NFIB: variants seen among roughly 807,000 people sequenced by gnomAD.
NFIB encodes the protein nuclear factor I B.
A neutral mutation model predicts 61.5 loss-of-function variants in NFIB; 11 were observed. The observed-to-expected ratio is 0.18, with a 90% confidence interval of 0.11 to 0.30. The LOEUF is 0.30. Among genes scored for constraint, NFIB ranks in the 10% least tolerant of loss-of-function variants. The pLI, the probability that NFIB is intolerant of heterozygous loss-of-function variation, is 1.00. For synonymous variants in NFIB, 260 were observed against 216.5 expected (o/e 1.20, Z -1.76); for missense variants, 471 against 608.9 (o/e 0.77, Z 2.38).
intron 1 of NFIB, among the ~76,000 whole-genome samples, chr9:14,385,482 A>C (rs1316851110): frequency 1.3e-5 from 2 of 152,212 alleles, no homozygotes; most frequent in African/African-American, 4.8e-5. Flanking sequence ...ACCTACATAC[A>C]AATATTTTTC....
At chr9:14,462,426 G>A in the NFIB span, among the ~76,000 whole-genome samples, 4 of 152,094 alleles carry the variant, frequency 2.6e-5, no homozygotes, top group African/African-American at 9.6e-5. Flanking sequence ...GGGACTACAG[G>A]CACCCGCCAC....
chr9:14,176,178 C>T (rs2046166188), intron 3 of NFIB, among the ~76,000 whole-genome samples: 2 of 150,818 alleles, frequency 1.3e-5, no homozygotes, highest in South Asian at 2.1e-4. Flanking sequence ...GGTTTACCCT[C>T]ATTTGGTCCA....
At chr9:14,146,538 A>C in intron 6 of NFIB, 151 bp downstream of exon 6, 1 of 1,172,306 alleles carries the variant, frequency 8.5e-7, no homozygotes, top group Non-Finnish European at 1.2e-6. Context: ...CATTTGACTA[A>C]CATTATCTCA....
intron 1 of NFIB, among the ~76,000 whole-genome samples, chr9:14,338,949 A>G (rs2060917590): frequency 6.6e-6 from 1 of 151,374 alleles, no homozygotes; most frequent in Non-Finnish European, 1.5e-5. Flanking sequence ...GCAATTGCCT[A>G]AATAGAGAAA....
the NFIB span, among the ~76,000 whole-genome samples, chr9:14,442,227 C>A: frequency 1.3e-5 from 2 of 152,006 alleles, no homozygotes; most frequent in African/African-American, 2.4e-5. Flanking sequence ...GTGTGCTGGG[C>A]CCCATGTGTG....
At chr9:14,119,335 C>T (rs886478941) in intron 8 of NFIB, among the ~76,000 whole-genome samples, 11 of 152,132 alleles carry the variant, frequency 7.2e-5, no homozygotes, top group South Asian at 2.1e-4. Flanking sequence ...ATTTTAACTT[C>T]AAATTCAAAA....
At chr9:14,385,828 G>T (rs2061543406) in intron 1 of NFIB, among the ~76,000 whole-genome samples, 2 of 150,938 alleles carry the variant, frequency 1.3e-5, no homozygotes, top group Admixed American at 6.6e-5. Flanking sequence ...TGTTTCCCAG[G>T]CTGGAGTGCA....
At chr9:14,118,088 C>G (rs551362) in intron 8 of NFIB, among the ~76,000 whole-genome samples, 19,299 of 151,962 alleles carry the variant, frequency 0.13, 1,543 homozygotes, top group Non-Finnish European at 0.18. Context: ...AGCAGATACA[C>G]TGTTCCTTAA....
At chr9:14,352,778 A>G (rs929205011) in intron 1 of NFIB, among the ~76,000 whole-genome samples, 1 of 152,212 alleles carries the variant, frequency 6.6e-6, no homozygotes, top group Non-Finnish European at 1.5e-5. Context: ...CTCTCTATGT[A>G]AACATACAGC....
At chr9:14,118,370 C>T (rs1414808106) in intron 8 of NFIB, among the ~76,000 whole-genome samples, 1 of 152,092 alleles carries the variant, frequency 6.6e-6, no homozygotes, top group Admixed American at 6.5e-5. Flanking sequence ...CAAGGAAATG[C>T]TGCCACCAAA....
chr9:14,419,287 TAAAAA>T, the NFIB span, among the ~76,000 whole-genome samples: 2 of 127,078 alleles, frequency 1.6e-5, no homozygotes, highest in Admixed American at 8.0e-5. Flanking sequence ...GCAGCACTGT[TAAAAA>T]AAAAAAAAAA....
chr9:14,428,267 C>T, the NFIB span, among the ~76,000 whole-genome samples: 15 of 152,132 alleles, frequency 9.9e-5, no homozygotes, highest in African/African-American at 3.6e-4. Context: ...TTAAGGAAAA[C>T]ATCTTGTTAA....
At chr9:14,390,712 G>C (rs1248639925) in intron 1 of NFIB, among the ~76,000 whole-genome samples, 3 of 152,184 alleles carry the variant, frequency 2.0e-5, no homozygotes, top group Non-Finnish European at 4.4e-5. Context: ...GATCCAGAGA[G>C]CTCCCTCGGT....
At chr9:14,395,340 A>G (rs2061672281) in intron 1 of NFIB, among the ~76,000 whole-genome samples, 1 of 151,862 alleles carries the variant, frequency 6.6e-6, no homozygotes, top group South Asian at 2.1e-4. Context: ...AAAAAAATCA[A>G]GAGATGCAAC....
At chr9:14,484,208 T>A in the NFIB span, among the ~76,000 whole-genome samples, 1 of 152,232 alleles carries the variant, frequency 6.6e-6, no homozygotes, top group Non-Finnish European at 1.5e-5. Context: ...TCTGGGGCAC[T>A]AGACATAGAA....
At chr9:14,446,838 T>C in the NFIB span, among the ~76,000 whole-genome samples, 5 of 152,196 alleles carry the variant, frequency 3.3e-5, no homozygotes, top group Admixed American at 6.5e-5. Flanking sequence ...ATCATCATTT[T>C]AACAATCTTA....
chr9:14,239,644 C>T (rs2054152177), intron 2 of NFIB, among the ~76,000 whole-genome samples: 1 of 152,024 alleles, frequency 6.6e-6, no homozygotes. Context: ...CAAATATGAG[C>T]CAAATTATTT....
chr9:14,510,675 T>C, the NFIB span, among the ~76,000 whole-genome samples: 2 of 152,218 alleles, frequency 1.3e-5, no homozygotes, highest in African/African-American at 4.8e-5. Context: ...CATATTTTTA[T>C]TGCTTTCTTG....
chr9:14,500,502 T>TGTG, the NFIB span, among the ~76,000 whole-genome samples: 1 of 152,184 alleles, frequency 6.6e-6, no homozygotes, highest in Non-Finnish European at 1.5e-5. Flanking sequence ...GTTTCCATCA[T>TGTG]GTGGATCAGT....
Sources: allele counts gnomAD v4.1 joint callset (sites outside exome capture counted in the v4.1 genomes callset), GRCh38; gene constraint gnomAD v4.1.1; transcripts MANE v1.5; gene names NCBI Gene and HGNC (gene_info 2026-07-23, HGNC 2026-07-21).